TECPR2: variants seen among roughly 807,000 people sequenced by gnomAD.
The protein encoded by TECPR2 is tectonin beta-propeller repeat containing 2, also known as tectonin beta-propeller repeat-containing protein 2.
Under a neutral mutation model 138.1 loss-of-function variants are expected in TECPR2, and 65 were observed. The ratio of observed to expected loss-of-function variants is 0.47; its 90% confidence interval spans 0.39 to 0.58. The LOEUF (loss-of-function observed/expected upper bound fraction) is 0.58, where lower values mean the gene tolerates loss of function less well. TECPR2 is among the 20% of genes least tolerant of loss of function. The probability of loss-of-function intolerance (pLI) is 0.00; values close to 1 mark genes in which losing one functional copy is unlikely to be tolerated. For synonymous variants in TECPR2, 746 were observed against 749.8 expected (o/e 0.99, Z 0.08); for missense variants, 1,553 against 1,824.5 (o/e 0.85, Z 2.71).
At chr14:102,475,782 G>A (rs967179891) in intron 17 of TECPR2, among the ~76,000 whole-genome samples, 9 of 152,090 alleles carry the variant, frequency 5.9e-5, no homozygotes, top group African/African-American at 2.2e-4. Flanking sequence ...GAAGAAATCC[G>A]TCAATAGGAG....
intron 2 of TECPR2, among the ~76,000 whole-genome samples, chr14:102,402,312 G>T (rs1343807627): frequency 1.3e-5 from 2 of 151,996 alleles, no homozygotes; most frequent in Non-Finnish European, 2.9e-5. Flanking sequence ...GGTAAATAAA[G>T]AAATTACAAG....
chr14:102,426,209 T>G (rs1950816358), intron 6 of TECPR2, among the ~76,000 whole-genome samples: 1 of 152,076 alleles, frequency 6.6e-6, no homozygotes, highest in Non-Finnish European at 1.5e-5. Flanking sequence ...TTTTTTGTTT[T>G]TTGTTTTTTA....
At chr14:102,447,523 G>A (rs1890016865) in intron 13 of TECPR2, among the ~76,000 whole-genome samples, 1 of 152,072 alleles carries the variant, frequency 6.6e-6, no homozygotes, top group Admixed American at 6.6e-5. Context: ...ATAGTCGATG[G>A]TCGTGAAATA....
At chr14:102,474,230 T>G (rs1480909686) in intron 17 of TECPR2, among the ~76,000 whole-genome samples, 1 of 152,118 alleles carries the variant, frequency 6.6e-6, no homozygotes, top group African/African-American at 2.4e-5. Flanking sequence ...TTTGTACCAC[T>G]GCACTCCAGA....
chr14:102,414,553 G>A lies in TECPR2; in HGVS notation c.481-83G>A, dbSNP rs181078661. The A allele has an allele frequency of 2.6e-4, 401 of 1,529,666 alleles. No individual in the cohort carries two copies. In the African/African-American group the frequency reaches 4.8e-3, roughly 18 times the overall value. The allele number at this position is 1,529,666 out of a possible 1,614,324, so 94.8% of individuals were successfully genotyped here. A position where few individuals can be genotyped will look rare whatever the true frequency, so the allele number is the denominator to read the frequency against. On this transcript the variant is annotated intron_variant, in intron 4 of 19. Coordinates refer to ENST00000359520, the MANE Select transcript of TECPR2 (RefSeq NM_014844.5). Reference sequence around the variant, plus strand: ...GCAAGCTGACCTAAGCACAGCTAGCGGGAAGGACACTGACTTGTCCTAAGG... The same window carrying A: ...GCAAGCTGACCTAAGCACAGCTAGCAGGAAGGACACTGACTTGTCCTAAGG...
At chr14:102,483,791 C>CTTTTTTTT (rs71119708) in intron 17 of TECPR2, among the ~76,000 whole-genome samples, 1 of 92,468 alleles carries the variant, frequency 1.1e-5, no homozygotes, top group Non-Finnish European at 2.0e-5. Flanking sequence ...TTTTCCTTTT[C>CTTTTTTTT]TTTTTTTTTT....
At chr14:102,406,034 A>C (rs1888648864) in intron 2 of TECPR2, among the ~76,000 whole-genome samples, 1 of 151,500 alleles carries the variant, frequency 6.6e-6, no homozygotes, top group Non-Finnish European at 1.5e-5. Context: ...AGTCAAAATC[A>C]TAAAGACGGA....
rs369470378 is a variant in TECPR2 at position 102,450,328 on chromosome 14, C to T, written c.3317-232C>T. 7.2e-5 allele frequency among the ~76,000 whole-genome samples: 11 copies of T among 152,226 alleles called. No individual in the cohort carries two copies. The East Asian group carries it at 1.9e-3, about 27-fold the overall frequency. ...AGTGAACCCCTTGCTTTTCTCCAGC[C>T]CTCTCCCTGCTGCATGGCCTCCACG... On this transcript the variant is annotated intron_variant, in intron 14 of 19. Transcript: ENST00000359520.
chr14:102,416,992 C>T (rs746728684), intron 5 of TECPR2, among the ~76,000 whole-genome samples: 24 of 152,014 alleles, frequency 1.6e-4, no homozygotes, highest in African/African-American at 1.9e-4. Flanking sequence ...TCAAAAAAAT[C>T]GAAAACAAAA....
chr14:102,475,912 A>T (rs932050885), intron 17 of TECPR2, among the ~76,000 whole-genome samples: 1 of 152,154 alleles, frequency 6.6e-6, no homozygotes, highest in African/African-American at 2.4e-5. Flanking sequence ...AAAATGAGAG[A>T]TAGAAAAACT....
At chr14:102,495,052 C>T (rs977844488) in intron 17 of TECPR2, among the ~76,000 whole-genome samples, 2 of 152,100 alleles carry the variant, frequency 1.3e-5, no homozygotes, top group Admixed American at 1.3e-4. Context: ...GTGTCTACAA[C>T]AAAATACAAA....
intron 7 of TECPR2, among the ~76,000 whole-genome samples, chr14:102,430,957 G>A (rs1567337415): frequency 6.6e-6 from 1 of 152,012 alleles, no homozygotes; most frequent in East Asian, 1.9e-4. Context: ...GTTATACACA[G>A]GCATCTCTCA....
At chr14:102,427,376 C>T (rs1454982607) in intron 6 of TECPR2, among the ~76,000 whole-genome samples, 2 of 152,158 alleles carry the variant, frequency 1.3e-5, no homozygotes, top group African/African-American at 4.8e-5. Flanking sequence ...GACAGGGGAC[C>T]GTCTGGGACA....
intron 11 of TECPR2, among the ~76,000 whole-genome samples, chr14:102,442,488 A>G (rs926075685): frequency 2.0e-5 from 3 of 152,252 alleles, no homozygotes; most frequent in African/African-American, 7.2e-5. Flanking sequence ...GCACATGCAC[A>G]TCTAAGCTGC....
At chr14:102,449,989 A>T in intron 14 of TECPR2, 120 bp downstream of exon 14, 1 of 1,442,980 alleles carries the variant, frequency 6.9e-7, no homozygotes, top group Non-Finnish European at 9.3e-7. Flanking sequence ...AGTGGTATGA[A>T]GTGTCTAGTG....
At chr14:102,371,557 C>T (rs1282725504) in intron 1 of TECPR2, among the ~76,000 whole-genome samples, 2 of 152,078 alleles carry the variant, frequency 1.3e-5, no homozygotes, top group Non-Finnish European at 2.9e-5. Flanking sequence ...CCAGGCATGG[C>T]TGTCCTGACT....
chr14:102,374,435 A>C (rs1443904059), intron 1 of TECPR2, among the ~76,000 whole-genome samples: 1 of 152,144 alleles, frequency 6.6e-6, no homozygotes, highest in Admixed American at 6.5e-5. Flanking sequence ...TGACACAGTC[A>C]TAGCTCACTG....
intron 17 of TECPR2, among the ~76,000 whole-genome samples, chr14:102,475,109 T>C (rs1052407283): frequency 2.0e-5 from 3 of 152,178 alleles, no homozygotes; most frequent in African/African-American, 7.2e-5. Flanking sequence ...TCCAGAGCTG[T>C]GGGCAGAGTG....
intron 2 of TECPR2, among the ~76,000 whole-genome samples, chr14:102,388,554 C>T (rs375113073): frequency 6.6e-6 from 1 of 151,626 alleles, no homozygotes; most frequent in Non-Finnish European, 1.5e-5. Flanking sequence ...ATTGGCTGGG[C>T]GCAGTGGCTC....
Sources: gnomAD v4.1 joint callset for allele counts (sites outside exome capture counted in the v4.1 genomes callset) on GRCh38, gnomAD v4.1.1 for gene constraint, MANE v1.5 for transcripts, NCBI Gene and HGNC (gene_info 2026-07-23, HGNC 2026-07-21) for gene names.